The following EMP2 variants were observed in gnomAD, a reference collection of about 807,000 sequenced individuals.
The protein encoded by EMP2 is epithelial membrane protein 2.
EMP2 carries 19 observed loss-of-function variants against 13.7 expected under a neutral mutation model. That is an observed-to-expected ratio of 1.38 (90% CI 0.97 to 2.03). EMP2 has a LOEUF of 2.03. Ranked by LOEUF, EMP2 falls within the 30% of genes most tolerant of loss-of-function variation. The probability of loss-of-function intolerance (pLI) is 0.00; values close to 1 mark genes in which losing one functional copy is unlikely to be tolerated. For synonymous variants in EMP2, 97 were observed against 84.7 expected (o/e 1.15, Z -0.80); for missense variants, 253 against 220.7 (o/e 1.15, Z -0.93).
Position 10,533,005 on chromosome 16 carries a change from C to T in EMP2, c.404G>A (p.Arg135Lys), listed in dbSNP as rs2050619703. Residue 135 changes from arginine (R) to lysine (K), a missense_variant, in exon 5 of 5, where the codon AGA (arginine) becomes AAA (lysine). Arg to Lys is a conservative substitution (Grantham distance 26, BLOSUM62 2). Coordinates refer to ENST00000359543, the MANE Select transcript of EMP2 (RefSeq NM_001424.6). ...DKNAKFYPVT[R>K]EGSYGYSYIL... ...GTAGGAGTAGCCGTAGCTGCCTTCT[C>T]TGGTCACGGGATAGAATTTCGCGTT... The T allele has an allele frequency of 5.0e-6, 8 of 1,612,308 alleles. No homozygotes were observed. The highest frequency in any genetic ancestry group is 6.8e-6 in the Non-Finnish European group (8 of 1,179,360).
chr16:10,553,199 A>G (rs2050801055), intron 1 of EMP2, among the ~76,000 whole-genome samples: 2 of 152,194 alleles, frequency 1.3e-5, no homozygotes, highest in Admixed American at 1.3e-4. Context: ...CTATACCAAA[A>G]TAAGTCTCCC....
chr16:10,577,538 A>G (rs1159197791), intron 1 of EMP2, among the ~76,000 whole-genome samples: 1 of 152,026 alleles, frequency 6.6e-6, no homozygotes, highest in Non-Finnish European at 1.5e-5. Context: ...TGAGAAGGGG[A>G]GACTGCTCTG....
chr16:10,563,027 C>A (rs191719832), intron 1 of EMP2, among the ~76,000 whole-genome samples: 1 of 152,134 alleles, frequency 6.6e-6, no homozygotes, highest in East Asian at 1.9e-4. Context: ...ATGTGGATTA[C>A]GTTGCTCGGG....
At chr16:10,568,662 TC>T (rs2050925868) in intron 1 of EMP2, among the ~76,000 whole-genome samples, 1 of 152,098 alleles carries the variant, frequency 6.6e-6, no homozygotes, top group African/African-American at 2.4e-5. Context: ...GGCCCACAGT[TC>T]CTCCGACAGA....
rs575503056 is a variant in EMP2 at position 10,551,252 on chromosome 16, C to T, written c.-60-3575G>A. Among the ~76,000 whole-genome samples, 48 of 152,144 alleles carry T rather than the reference C, an allele frequency of 3.2e-4. 1 individual carries two copies. The highest frequency in any genetic ancestry group is 1.1e-3 in the African/African-American group (45 of 41,502). Reference sequence around the variant, plus strand: ...CGTTGGAATCATACAATAGTGTGGCCTTTTGTGTCTGTCTTCTTTCATTTA... The same window carrying T: ...CGTTGGAATCATACAATAGTGTGGCTTTTTGTGTCTGTCTTCTTTCATTTA... On this transcript the variant is annotated intron_variant, in intron 1 of 4. Transcript: ENST00000359543.
At chr16:10,541,881 C>T (rs989210940) in intron 3 of EMP2, among the ~76,000 whole-genome samples, 12 of 152,164 alleles carry the variant, frequency 7.9e-5, no homozygotes, top group African/African-American at 2.9e-4. Context: ...GCTATGAGAT[C>T]ACCTATGTAA....
intron 4 of EMP2, among the ~76,000 whole-genome samples, chr16:10,535,258 T>C (rs963105084): frequency 6.6e-6 from 1 of 151,118 alleles, no homozygotes; most frequent in Non-Finnish European, 1.5e-5. Context: ...GCCACAGGAG[T>C]TGGGGAGAAT....
At chr16:10,551,905 C>T (rs2050791343) in intron 1 of EMP2, among the ~76,000 whole-genome samples, 1 of 152,070 alleles carries the variant, frequency 6.6e-6, no homozygotes, top group Non-Finnish European at 1.5e-5. Flanking sequence ...CCTTGAGACC[C>T]AGGACACACT....
intron 1 of EMP2, among the ~76,000 whole-genome samples, chr16:10,579,708 G>GCACACACACACACACACACA (rs71133370): frequency 1.4e-5 from 2 of 146,668 alleles, no homozygotes; most frequent in East Asian, 4.0e-4. Context: ...AGATCAAGGT[G>GCACACACACACACACACACA]CACACACACA....
intron 1 of EMP2, among the ~76,000 whole-genome samples, chr16:10,554,670 C>T (rs1345067535): frequency 6.6e-6 from 1 of 152,114 alleles, no homozygotes; most frequent in African/African-American, 2.4e-5. Flanking sequence ...AATACAGATC[C>T]ATCTCCTTCC....
intron 3 of EMP2, among the ~76,000 whole-genome samples, chr16:10,540,972 C>T (rs2050692095): frequency 6.6e-6 from 1 of 152,092 alleles, no homozygotes; most frequent in East Asian, 1.9e-4. Flanking sequence ...CCCATAATCC[C>T]AGCTACTGGG....
intron 1 of EMP2, chr16:10,559,201 C>T (rs866768678): frequency 6.6e-6 from 1 of 152,600 alleles, no homozygotes; most frequent in South Asian, 2.1e-4. Flanking sequence ...GAACCCAGGC[C>T]CCTCCCACTG....
intron 4 of EMP2, among the ~76,000 whole-genome samples, chr16:10,535,220 G>C (rs2050637911): frequency 6.6e-6 from 1 of 152,190 alleles, no homozygotes; most frequent in Non-Finnish European, 1.5e-5. Context: ...GCAGAACAGG[G>C]AGGGCCAGGT....
intron 3 of EMP2, among the ~76,000 whole-genome samples, chr16:10,542,244 G>A (rs116310236): frequency 0.098 from 14,838 of 151,864 alleles, 1,542 homozygotes; most frequent in African/African-American, 0.26. Context: ...CAAAAATTAC[G>A]AAAATTAGCT....
intron 1 of EMP2, among the ~76,000 whole-genome samples, chr16:10,576,013 T>G (rs769405057): frequency 1.3e-5 from 2 of 152,098 alleles, no homozygotes; most frequent in Non-Finnish European, 2.9e-5. Context: ...AAGCAGGCAC[T>G]CTAGTACTCA....
At chr16:10,539,521 C>G (rs1325661056) in intron 3 of EMP2, among the ~76,000 whole-genome samples, 1 of 152,072 alleles carries the variant, frequency 6.6e-6, no homozygotes, top group Non-Finnish European at 1.5e-5. Flanking sequence ...TGACAGAAGT[C>G]AGAAGTGGTT....
intron 4 of EMP2, among the ~76,000 whole-genome samples, chr16:10,534,358 AC>A (rs1291211519): frequency 6.6e-6 from 1 of 152,224 alleles, no homozygotes; most frequent in African/African-American, 2.4e-5. Flanking sequence ...AGCTCTAGAA[AC>A]TTTTCTACCT....
At chr16:10,539,572 G>A (rs559560377) in intron 3 of EMP2, among the ~76,000 whole-genome samples, 4 of 152,280 alleles carry the variant, frequency 2.6e-5, no homozygotes, top group African/African-American at 7.2e-5. Flanking sequence ...GTGGAAGGGG[G>A]CCCGAGGAAC....
At chr16:10,567,411 G>C (rs532847392) in intron 1 of EMP2, among the ~76,000 whole-genome samples, 36 of 152,216 alleles carry the variant, frequency 2.4e-4, no homozygotes, top group Non-Finnish European at 4.4e-4. Context: ...ACTCCTCTGA[G>C]GGCAGGGAGC....
Sources: gnomAD v4.1 joint callset for allele counts (sites outside exome capture counted in the v4.1 genomes callset) on GRCh38, gnomAD v4.1.1 for gene constraint, MANE v1.5 for transcripts, NCBI Gene and HGNC (gene_info 2026-07-23, HGNC 2026-07-21) for gene names.